The following INTS6 variants were observed in gnomAD, a reference collection of about 807,000 sequenced individuals.
The protein encoded by INTS6 is DEAD box protein.
Under a neutral mutation model 104.9 loss-of-function variants are expected in INTS6, and 16 were observed. That is an observed-to-expected ratio of 0.15 (90% confidence interval 0.10 to 0.23). The LOEUF (loss-of-function observed/expected upper bound fraction) is 0.23. Ranked by LOEUF, INTS6 falls within the 10% of genes least tolerant of loss-of-function variation. The probability of loss-of-function intolerance (pLI) is 1.00; values close to 1 mark genes in which losing one functional copy is unlikely to be tolerated. For missense variants in INTS6, 584 were observed against 1,062.8 expected, an observed-to-expected ratio of 0.55 and a Z score of 6.26; for synonymous variants, 324 against 358.7, an observed-to-expected ratio of 0.90 and a Z score of 1.09.
chr13:51,432,402 T>C (rs985478200), intron 3 of INTS6, among the ~76,000 whole-genome samples: 6 of 152,010 alleles, frequency 3.9e-5, no homozygotes, highest in African/African-American at 1.4e-4. Context: ...TGCAGAAGTA[T>C]ACACTTAAAA....
At chr13:51,372,384 C>A (rs1017785236) in intron 15 of INTS6, among the ~76,000 whole-genome samples, 1 of 150,924 alleles carries the variant, frequency 6.6e-6, no homozygotes, top group Non-Finnish European at 1.5e-5. Flanking sequence ...ACATTAAATT[C>A]TCCCCTATTT....
chr13:51,428,471 T>C (rs1398119788), intron 4 of INTS6, among the ~76,000 whole-genome samples: 2 of 151,802 alleles, frequency 1.3e-5, no homozygotes, highest in African/African-American at 2.4e-5. Context: ...ATTACAGGTG[T>C]GCGCCACCAC....
chr13:51,358,581 A>G (rs1048438359), downstream of INTS6, among the ~76,000 whole-genome samples: 4 of 152,144 alleles, frequency 2.6e-5, no homozygotes, highest in Admixed American at 1.3e-4. Flanking sequence ...GGCCATTCGT[A>G]TAGTGGTAAG....
downstream of INTS6, among the ~76,000 whole-genome samples, chr13:51,357,783 G>C (rs1406605403): frequency 6.6e-6 from 1 of 151,986 alleles, no homozygotes; most frequent in East Asian, 1.9e-4. Flanking sequence ...ACTGGCTTTA[G>C]GATCAGCAGG....
chr13:51,337,919 C>A, the INTS6 span, among the ~76,000 whole-genome samples: 2 of 152,164 alleles, frequency 1.3e-5, no homozygotes, highest in African/African-American at 4.8e-5. Context: ...TGGTCAGAGA[C>A]CACAGTGACT....
chr13:51,450,340 A>T (rs934768415), intron 3 of INTS6: 1 of 985,320 alleles, frequency 1.0e-6, no homozygotes, highest in African/African-American at 1.7e-5. Context: ...CTCATCCTCA[A>T]ATACATGAAA....
chr13:51,434,428 G>C (rs752399755), intron 3 of INTS6, among the ~76,000 whole-genome samples: 4 of 151,858 alleles, frequency 2.6e-5, no homozygotes, highest in Non-Finnish European at 4.4e-5. Flanking sequence ...ATCAAACATA[G>C]AAAAGAAAAA....
intron 4 of INTS6, among the ~76,000 whole-genome samples, chr13:51,428,629 G>T (rs1281487124): frequency 6.6e-6 from 1 of 151,814 alleles, no homozygotes; most frequent in Non-Finnish European, 1.5e-5. Context: ...CGGCTAAAAT[G>T]AATTTTTATT....
At chr13:51,420,335 T>TTA (rs1566238389) in intron 4 of INTS6, among the ~76,000 whole-genome samples, 2 of 145,870 alleles carry the variant, frequency 1.4e-5, no homozygotes, top group Non-Finnish European at 3.0e-5. Flanking sequence ...GTGGTTCATT[T>TTA]AAAAAAAAAA....
At chr13:51,404,634 C>T (rs533398111) in intron 4 of INTS6, among the ~76,000 whole-genome samples, 1 of 152,192 alleles carries the variant, frequency 6.6e-6, no homozygotes, top group Admixed American at 6.5e-5. Context: ...CCACTGAGGC[C>T]CACATGAAAC....
chr13:51,335,007 A>G, the INTS6 span, among the ~76,000 whole-genome samples: 1 of 150,802 alleles, frequency 6.6e-6, no homozygotes, highest in Non-Finnish European at 1.5e-5. Context: ...AAAAAAAGAC[A>G]TATTTTAAAG....
chr13:51,345,438 C>CA, the INTS6 span, among the ~76,000 whole-genome samples: 1 of 151,694 alleles, frequency 6.6e-6, no homozygotes, highest in East Asian at 1.9e-4. Flanking sequence ...ACTAAAAATA[C>CA]AAAAAATTAG....
chr13:51,421,027 G>C, intron 4 of INTS6: 1 of 592,708 alleles, frequency 1.7e-6, no homozygotes. Context: ...GGATTTATCA[G>C]TTTAGGGTTG....
chr13:51,396,541 G>A (rs1224165282), intron 4 of INTS6, among the ~76,000 whole-genome samples: 1 of 152,072 alleles, frequency 6.6e-6, no homozygotes, highest in Non-Finnish European at 1.5e-5. Context: ...CACTCAATGA[G>A]GATGACCAGA....
chr13:51,335,019 C>T, the INTS6 span, among the ~76,000 whole-genome samples: 62,566 of 150,152 alleles, frequency 0.42, 13,927 homozygotes, highest in African/African-American at 0.57. Flanking sequence ...ATTTTAAAGC[C>T]GTAGTTATGA....
Position 51,452,749 on chromosome 13 carries a change from T to C in INTS6, c.-224A>G. The C allele has an allele frequency of 8.1e-7, 1 of 1,229,228 alleles. No individual in the cohort carries two copies. Among genetic ancestry groups the C allele is most frequent in the Non-Finnish European group, 1.0e-6 (1 of 980,446 alleles). The allele number at this position is 1,229,228 out of a possible 1,614,324, so 76.1% of individuals were successfully genotyped here. A position where few individuals can be genotyped will look rare whatever the true frequency, so the allele number is the denominator to read the frequency against. On this transcript the variant is annotated 5_prime_UTR_variant, in exon 1 of 18. Coordinates refer to ENST00000311234, the MANE Select transcript of INTS6 (RefSeq NM_012141.3). This position sits in a 1 kb window ranked among gnomAD's most constrained non-coding sequence, Gnocchi z 4.2. ...TCCCCGTCGTACCCCCGCCTCCGCCTCCTCCTGCCTGCCTGCCCGCTGGGG... is the reference window on the plus strand; with the variant it reads ...TCCCCGTCGTACCCCCGCCTCCGCCCCCTCCTGCCTGCCTGCCCGCTGGGG...
At chr13:51,404,261 G>T (rs1406893069) in intron 4 of INTS6, among the ~76,000 whole-genome samples, 1 of 148,844 alleles carries the variant, frequency 6.7e-6, no homozygotes, top group Non-Finnish European at 1.5e-5. Context: ...GTGACAGAGG[G>T]AGACTCCATC....
chr13:51,375,738 T>TGG (rs1397146462), intron 13 of INTS6, among the ~76,000 whole-genome samples: 3 of 132,112 alleles, frequency 2.3e-5, no homozygotes, highest in Non-Finnish European at 4.7e-5. Context: ...TAAGTGGGTG[T>TGG]GTGTGTGTGT....
chr13:51,451,959 G>A lies in INTS6; in HGVS notation c.189+19C>T. On this transcript the variant is annotated intron_variant, in intron 2 of 17. Transcript: ENST00000311234. ...ACAGGGAAGGGAAGGGAGGAAAGGGGGAGGGCGAGGGCTGTTACCTTGATA... is the reference window on the plus strand; with the variant it reads ...ACAGGGAAGGGAAGGGAGGAAAGGGAGAGGGCGAGGGCTGTTACCTTGATA... The A allele has an allele frequency of 1.3e-6, 2 of 1,595,632 alleles. No homozygotes were observed. Among genetic ancestry groups the A allele is most frequent in the Non-Finnish European group, 1.7e-6 (2 of 1,166,306 alleles).
Sources: gnomAD v4.1 joint callset for allele counts (sites outside exome capture counted in the v4.1 genomes callset) on GRCh38, gnomAD v4.1.1 for gene constraint, Gnocchi (gnomAD v3.1) non-coding constraint, MANE v1.5 for transcripts, NCBI Gene and HGNC (gene_info 2026-07-23, HGNC 2026-07-21) for gene names.